CTDSP2: variants seen among roughly 807,000 people sequenced by gnomAD.
CTDSP2 encodes the protein carboxy-terminal domain RNA polymerase II polypeptide A small phosphatase 2.
CTDSP2 carries 9 observed loss-of-function variants against 31.6 expected under a neutral mutation model. The observed-to-expected ratio is 0.28, with a 90% CI of 0.17 to 0.50. The LOEUF (loss-of-function observed/expected upper bound fraction) is 0.50, where lower values mean the gene tolerates loss of function less well. Among genes scored for constraint, CTDSP2 ranks in the 20% least tolerant of loss-of-function variants. CTDSP2 has a pLI of 0.98. For missense variants in CTDSP2, 267 were observed against 348.5 expected (o/e 0.77, Z 1.86); for synonymous variants, 134 against 134.5 (o/e 1.00, Z 0.03).
chr12:57,834,225 A>G (rs1014618440), intron 1 of CTDSP2, among the ~76,000 whole-genome samples: 1 of 152,044 alleles, frequency 6.6e-6, no homozygotes, highest in South Asian at 2.1e-4. Flanking sequence ...GTGCAGTGGT[A>G]CAATCATGGG....
intron 1 of CTDSP2, among the ~76,000 whole-genome samples, chr12:57,839,330 A>G (rs1226350842): frequency 6.6e-6 from 1 of 152,200 alleles, no homozygotes; most frequent in East Asian, 1.9e-4. Context: ...GTTTCCTCAT[A>G]AGCCAATCTG....
At chr12:57,827,717 C>T in intron 2 of CTDSP2, 127 bp from the exon 3 acceptor site, 3 of 874,982 alleles carry the variant, frequency 3.4e-6, no homozygotes, top group South Asian at 3.0e-5. Context: ...GAAGCTCCTA[C>T]CATGTCAAAA....
intron 1 of CTDSP2, among the ~76,000 whole-genome samples, chr12:57,840,831 T>C (rs1436685646): frequency 1.3e-5 from 2 of 151,852 alleles, no homozygotes; most frequent in Non-Finnish European, 2.9e-5. Flanking sequence ...AGAGATCAGG[T>C]TCAAGGCTAA....
chr12:57,823,182 A>G lies in CTDSP2; in HGVS notation c.*420T>C. The G allele has an allele frequency of 4.9e-6, 1 of 203,722 alleles. No individual in the cohort carries two copies. The highest frequency in any genetic ancestry group is 1.1e-4 in the East Asian group (1 of 9,124). 12.6% of individuals were successfully genotyped at this position (203,722 alleles called of 1,614,324 possible). ...TGGCATAGGCCTTACAACACTGAGG[A>G]AAGGCCATGGTTTGGCAATGGAGTC... On this transcript the variant is annotated 3_prime_UTR_variant, in exon 8 of 8. Transcript: ENST00000398073.
At chr12:57,835,955 C>T (rs149043069) in intron 1 of CTDSP2, among the ~76,000 whole-genome samples, 223 of 152,270 alleles carry the variant, frequency 1.5e-3, no homozygotes, top group Non-Finnish European at 2.6e-3. Flanking sequence ...AAAGGATAAA[C>T]GAAGTTAGAG....
chr12:57,832,817 A>G (rs1956224660), intron 1 of CTDSP2, among the ~76,000 whole-genome samples: 1 of 147,400 alleles, frequency 6.8e-6, no homozygotes, highest in African/African-American at 2.5e-5. Flanking sequence ...AAAAAAAAAA[A>G]AGGAAAAGAA....
chr12:57,836,004 C>G (rs934413227), intron 1 of CTDSP2, among the ~76,000 whole-genome samples: 1 of 152,148 alleles, frequency 6.6e-6, no homozygotes, highest in African/African-American at 2.4e-5. Flanking sequence ...AAATGCTGCG[C>G]TTGTTTTAAT....
chr12:57,832,010 A>T (rs1431351444), intron 1 of CTDSP2, among the ~76,000 whole-genome samples: 2 of 152,210 alleles, frequency 1.3e-5, no homozygotes, highest in Non-Finnish European at 2.9e-5. Flanking sequence ...GCCTTTACAC[A>T]GCAGTTGGAC....
At chr12:57,846,186 C>T (rs1956314690) in intron 1 of CTDSP2, among the ~76,000 whole-genome samples, 186 bp downstream of exon 1, 1 of 152,200 alleles carries the variant, frequency 6.6e-6, no homozygotes, top group African/African-American at 2.4e-5. Flanking sequence ...GCGCCGGGAT[C>T]CCCGTGCAAC....
chr12:57,844,809 G>A (rs1327492695), intron 1 of CTDSP2, among the ~76,000 whole-genome samples: 1 of 152,068 alleles, frequency 6.6e-6, no homozygotes, highest in East Asian at 1.9e-4. Context: ...CTTCTCGGGG[G>A]TTGGGATCTG....
chr12:57,844,018 CCT>C (rs750069743), intron 1 of CTDSP2, among the ~76,000 whole-genome samples: 49 of 152,078 alleles, frequency 3.2e-4, no homozygotes, highest in African/African-American at 4.3e-4. Flanking sequence ...TGGCGAAACC[CCT>C]GTCTCTACTA....
In CTDSP2 at chr12:57,846,454, C is replaced by G; in HGVS notation, c.-19G>C. 2 of 1,568,164 alleles carry G rather than the reference C, an allele frequency of 1.3e-6. No individual in the cohort carries two copies. Among genetic ancestry groups the G allele is most frequent in the Non-Finnish European group, 1.7e-6 (2 of 1,158,542 alleles). On this transcript the variant is annotated 5_prime_UTR_variant, in exon 1 of 8. Transcript: ENST00000398073. The stretch of plus-strand genomic sequence containing the variant: ...GTTCCATCTAACAATCCCGCGGGCC[C>G]GGGCTGGCTGGGCGGGAGGACGGGC...
intron 1 of CTDSP2, chr12:57,837,095 T>A (rs1956252577): frequency 1.3e-5 from 2 of 152,188 alleles, no homozygotes; most frequent in Non-Finnish European, 2.9e-5. Context: ...CAAGACACAT[T>A]TGACTGGGAC....
At chr12:57,843,406 G>A (rs1956294553) in intron 1 of CTDSP2, among the ~76,000 whole-genome samples, 1 of 152,092 alleles carries the variant, frequency 6.6e-6, no homozygotes, top group African/African-American at 2.4e-5. Flanking sequence ...CTGGGAAGAT[G>A]ATCCAATTTT....
rs1046436287 is a variant in CTDSP2 at position 57,820,775 on chromosome 12, C to T, written c.*2827G>A. On this transcript the variant is annotated 3_prime_UTR_variant, in exon 8 of 8. Coordinates refer to ENST00000398073, the MANE Select transcript of CTDSP2 (RefSeq NM_005730.4). ...GTGCAGAGTGGAAACCCTTACCTGA[C>T]CCTTTTCCAAACTGGTCCTGTGTCC... The T allele has an allele frequency of 1.1e-4, 17 of 152,342 alleles. 1 individual carries two copies. Among genetic ancestry groups the T allele is most frequent in the Admixed American group, 1.0e-3 (16 of 15,284 alleles). The allele number at this position is 152,342 out of a possible 1,614,324, so 9.4% of individuals were successfully genotyped here. A position where few individuals can be genotyped will look rare whatever the true frequency, so the allele number is the denominator to read the frequency against.
At chr12:57,825,135 G>A (rs564134583) in intron 5 of CTDSP2, among the ~76,000 whole-genome samples, 1 of 152,136 alleles carries the variant, frequency 6.6e-6, no homozygotes, top group Non-Finnish European at 1.5e-5. Context: ...GATGACAGGT[G>A]TAAGCCACGG....
rs1215160043 is a variant in CTDSP2 at position 57,846,628 on chromosome 12, G to A, written c.-193C>T. 2 of 473,482 alleles carry A rather than the reference G, an allele frequency of 4.2e-6. No individual in the cohort carries two copies. The highest frequency in any genetic ancestry group is 4.5e-5 in the Admixed American group (1 of 22,314). 29.3% of individuals were successfully genotyped at this position (473,482 alleles called of 1,614,324 possible). On this transcript the variant is annotated 5_prime_UTR_variant, in exon 1 of 8. Coordinates refer to ENST00000398073, the MANE Select transcript of CTDSP2 (RefSeq NM_005730.4). ...GGCCTGTACAAAGGGCGGGCGGCCC[G>A]GGCAGCGGCTCCCCCGGGTGCCCCC...
intron 1 of CTDSP2, among the ~76,000 whole-genome samples, chr12:57,846,143 G>A (rs564090739): frequency 1.4e-4 from 22 of 152,328 alleles, no homozygotes; most frequent in Non-Finnish European, 2.8e-4. Flanking sequence ...GGGACAGGGT[G>A]ACAGCTGCGC....
At chr12:57,836,133 G>A (rs1956246249) in intron 1 of CTDSP2, among the ~76,000 whole-genome samples, 1 of 152,164 alleles carries the variant, frequency 6.6e-6, no homozygotes, top group Admixed American at 6.6e-5. Flanking sequence ...AAGAAGATGA[G>A]GGAAAGGTGC....
Sources: allele counts gnomAD v4.1 joint callset (sites outside exome capture counted in the v4.1 genomes callset), GRCh38; gene constraint gnomAD v4.1.1; transcripts MANE v1.5; gene names NCBI Gene and HGNC (gene_info 2026-07-23, HGNC 2026-07-21).